Variants in TYR observed in about 807,000 individuals in gnomAD.
The protein encoded by TYR is tyrosinase, also known as LB24-AB.
Under a neutral mutation model 51.5 loss-of-function variants are expected in TYR, and 58 were observed. That is an observed-to-expected ratio of 1.13 (90% CI 0.91 to 1.40). TYR has a LOEUF of 1.40. Among genes scored for constraint, TYR ranks in the 40% most tolerant of loss-of-function variants. The pLI is 0.00. For missense variants in TYR, 732 were observed against 647.4 expected, an observed-to-expected ratio of 1.13 and a Z score of -1.42; for synonymous variants, 263 against 235.2, an observed-to-expected ratio of 1.12 and a Z score of -1.08.
chr11:89,230,967 T>C (rs372971789), intron 3 of TYR, among the ~76,000 whole-genome samples: 4 of 151,428 alleles, frequency 2.6e-5, no homozygotes, highest in African/African-American at 7.3e-5. Flanking sequence ...GGTCAGGAGT[T>C]TGACACCAGC....
intron 3 of TYR, among the ~76,000 whole-genome samples, chr11:89,260,421 A>C (rs542417061): frequency 1.5e-3 from 230 of 152,232 alleles, no homozygotes; most frequent in Non-Finnish European, 2.5e-3. Flanking sequence ...AAAGTGCTGA[A>C]AGAAAATATT....
intron 3 of TYR, among the ~76,000 whole-genome samples, chr11:89,259,840 T>G (rs1256997302): frequency 6.6e-6 from 1 of 152,158 alleles, no homozygotes; most frequent in Non-Finnish European, 1.5e-5. Context: ...CCACTGTTGT[T>G]ATACTGAATC....
intron 1 of TYR, 141 bp from the exon 2 acceptor site, chr11:89,191,061 C>A: frequency 1.4e-6 from 1 of 740,354 alleles, no homozygotes; most frequent in South Asian, 1.7e-5. Flanking sequence ...CAGAACATAT[C>A]CCTGTCATTA....
chr11:89,206,234 A>G (rs916478507), intron 2 of TYR, among the ~76,000 whole-genome samples: 10 of 152,148 alleles, frequency 6.6e-5, no homozygotes, highest in Admixed American at 5.2e-4. Flanking sequence ...TTATTTAAAA[A>G]TGACCTATAT....
chr11:89,211,539 T>C (rs1943755790), intron 2 of TYR, among the ~76,000 whole-genome samples: 1 of 152,140 alleles, frequency 6.6e-6, no homozygotes, highest in Admixed American at 6.5e-5. Flanking sequence ...ATTAGACAGA[T>C]CAATGAGACA....
intron 2 of TYR, 90 bp downstream of exon 2, chr11:89,191,508 G>T: frequency 7.6e-7 from 1 of 1,319,464 alleles, no homozygotes; most frequent in Non-Finnish European, 1.1e-6. Flanking sequence ...TGAGAATTCA[G>T]AATTTTCTGA....
At chr11:89,245,215 T>C (rs1228321830) in intron 3 of TYR, among the ~76,000 whole-genome samples, 1 of 152,140 alleles carries the variant, frequency 6.6e-6, no homozygotes, top group African/African-American at 2.4e-5. Context: ...TGAAAGAAAC[T>C]TCAGAAAAGT....
At chr11:89,273,133 A>G (rs906232827) in intron 3 of TYR, among the ~76,000 whole-genome samples, 2 of 151,910 alleles carry the variant, frequency 1.3e-5, no homozygotes, top group African/African-American at 4.8e-5. Flanking sequence ...TGTATTTCAC[A>G]TAAAAGGCCT....
intron 2 of TYR, among the ~76,000 whole-genome samples, chr11:89,198,320 G>A (rs7929015): frequency 0.23 from 34,800 of 151,910 alleles, 6,368 homozygotes; most frequent in African/African-American, 0.51. Flanking sequence ...ATGGAGTGAC[G>A]CATTCTAGTA....
chr11:89,238,463 C>G (rs1944148876), intron 3 of TYR, among the ~76,000 whole-genome samples: 1 of 152,018 alleles, frequency 6.6e-6, no homozygotes, highest in Non-Finnish European at 1.5e-5. Context: ...TTACTGAAGT[C>G]ATTTTTTAAT....
At chr11:89,188,611 G>C (rs1409322553) in intron 1 of TYR, among the ~76,000 whole-genome samples, 1 of 152,064 alleles carries the variant, frequency 6.6e-6, no homozygotes, top group African/African-American at 2.4e-5. Context: ...TTCTAATATT[G>C]AGAAGGGTTA....
chr11:89,244,622 G>A (rs965880775), intron 3 of TYR, among the ~76,000 whole-genome samples: 1 of 152,142 alleles, frequency 6.6e-6, no homozygotes, highest in Non-Finnish European at 1.5e-5. Flanking sequence ...AAAGTAAAAG[G>A]TTGGTGCTAG....
At chr11:89,190,382 T>C (rs1943427071) in intron 1 of TYR, among the ~76,000 whole-genome samples, 1 of 152,132 alleles carries the variant, frequency 6.6e-6, no homozygotes, top group African/African-American at 2.4e-5. Flanking sequence ...TGTAGGCCTA[T>C]GCTAGTGTGT....
At chr11:89,285,197 T>C (rs1055195466) in intron 4 of TYR, among the ~76,000 whole-genome samples, 1 of 151,646 alleles carries the variant, frequency 6.6e-6, no homozygotes, top group Non-Finnish European at 1.5e-5. Flanking sequence ...TGAAGAGCAG[T>C]AGAATCAGAA....
chr11:89,188,360 G>A (rs574891755), intron 1 of TYR, among the ~76,000 whole-genome samples: 5 of 151,942 alleles, frequency 3.3e-5, no homozygotes, highest in South Asian at 2.1e-4. Context: ...TTAAAACTTC[G>A]GTTTGAAAAG....
intron 2 of TYR, among the ~76,000 whole-genome samples, chr11:89,195,241 C>G (rs570834230): frequency 6.6e-6 from 1 of 152,256 alleles, no homozygotes; most frequent in Non-Finnish European, 1.5e-5. Flanking sequence ...TAATGCACTT[C>G]CCATGGAACA....
At chr11:89,289,906 A>T (rs1281011959) in intron 4 of TYR, among the ~76,000 whole-genome samples, 2 of 152,070 alleles carry the variant, frequency 1.3e-5, no homozygotes, top group Non-Finnish European at 2.9e-5. Flanking sequence ...TGAAATTATC[A>T]TTCTATCATG....
At chr11:89,204,365 G>T (rs1943642205) in intron 2 of TYR, among the ~76,000 whole-genome samples, 1 of 151,946 alleles carries the variant, frequency 6.6e-6, no homozygotes, top group African/African-American at 2.4e-5. Flanking sequence ...CCTTCTGCTG[G>T]AGCTGAGTCA....
At chr11:89,221,119 T>C (rs1943906681) in intron 2 of TYR, among the ~76,000 whole-genome samples, 1 of 152,244 alleles carries the variant, frequency 6.6e-6, no homozygotes, top group Non-Finnish European at 1.5e-5. Flanking sequence ...GAATCACCTG[T>C]AGAACTGGTT....
Sources: gnomAD v4.1 joint callset for allele counts (sites outside exome capture counted in the v4.1 genomes callset) on GRCh38, gnomAD v4.1.1 for gene constraint, MANE v1.5 for transcripts, NCBI Gene and HGNC (gene_info 2026-07-23, HGNC 2026-07-21) for gene names.